The following DSC1 variants were observed in gnomAD, a reference collection of about 807,000 sequenced individuals.
DSC1 encodes desmocollin 1.
Under a neutral mutation model 98.8 loss-of-function variants are expected in DSC1, and 79 were observed. That is an observed-to-expected ratio of 0.80 (90% CI 0.67 to 0.96). The LOEUF (loss-of-function observed/expected upper bound fraction) is 0.96, where lower values mean the gene tolerates loss of function less well. DSC1 is among the 50% of genes least tolerant of loss of function. The pLI is 0.00. For synonymous variants in DSC1, 405 were observed against 372.1 expected, an observed-to-expected ratio of 1.09 and a Z score of -1.02; for missense variants, 1,115 against 1,075.9, an observed-to-expected ratio of 1.04 and a Z score of -0.51.
chr18:31,159,646 A>ATTTGT, intron 1 of DSC1, 117 bp from the exon 2 acceptor site: 1 of 982,054 alleles, frequency 1.0e-6, no homozygotes, highest in Non-Finnish European at 1.5e-6. Context: ...TAATCATTTA[A>ATTTGT]TTCTTTACAT....
At chr18:31,143,079 T>C (rs1988768491) in intron 8 of DSC1, among the ~76,000 whole-genome samples, 2 of 151,804 alleles carry the variant, frequency 1.3e-5, no homozygotes, top group South Asian at 4.1e-4. Flanking sequence ...GAGAACCATT[T>C]CCTGAAACTA....
At chr18:31,148,448 C>T (rs3213883) in intron 6 of DSC1, 50 bp downstream of exon 6, 313,186 of 1,501,494 alleles carry the variant, frequency 0.21, 37,515 homozygotes, top group East Asian at 0.58. Flanking sequence ...ATAATACTTA[C>T]GAAATGTCAA....
rs1989052750 is a variant in DSC1 at position 31,154,281 on chromosome 18, A to AAAG, written c.627+492_627+493insCTT. Reference sequence around the variant, plus strand: ...AATAGTGAGAGAAAGGGATGCAAAAAAAAAAAAGCTATGTAAGGGGCTAAG... The same window carrying AAAG: ...AATAGTGAGAGAAAGGGATGCAAAAAAAGAAAAAAAGCTATGTAAGGGGCTAAG... On this transcript the variant is annotated intron_variant, in intron 5 of 15. Coordinates refer to ENST00000257198, the MANE Select transcript of DSC1 (RefSeq NM_024421.2). Among the ~76,000 whole-genome samples the AAAG allele has an allele frequency of 3.3e-5, 5 of 152,038 alleles. No individual in the cohort carries two copies. The South Asian group carries it at 1.0e-3, about 32-fold the overall frequency.
rs551670498 is a variant in DSC1, at chr18:31,148,523, A to G, written c.747T>C (p.Phe249=). 1.2e-6 allele frequency: 2 copies of G among 1,608,274 alleles called. No homozygotes were observed. Among genetic ancestry groups the G allele is most frequent in the East Asian group, 2.2e-5 (1 of 44,820 alleles). Residue 249 remains phenylalanine, a synonymous_variant, in exon 6 of 16, where the codon TTT becomes TTC. Coordinates refer to ENST00000257198, the MANE Select transcript of DSC1 (RefSeq NM_024421.2). ...APYFEHRVTI[F]TVPENCRSGT... is the part of the protein sequence containing the mutation. Reference sequence around the variant, plus strand: ...CGGATCGGCAATTTTCAGGCACAGTAAAGATAGTCACTCTGTGTTCAAAAT... The same window carrying G: ...CGGATCGGCAATTTTCAGGCACAGTGAAGATAGTCACTCTGTGTTCAAAAT...
chr18:31,151,174 T>C (rs1988994316), intron 5 of DSC1, among the ~76,000 whole-genome samples: 1 of 152,256 alleles, frequency 6.6e-6, no homozygotes, highest in Non-Finnish European at 1.5e-5. Context: ...TTTGAAATAA[T>C]ATTTTTGTTA....
At position 31,139,793 on chromosome 18, in the gene DSC1, C is replaced by A. The variant is rs1988690823; in HGVS notation, c.1618G>T (p.Val540Leu). The A allele has an allele frequency of 1.2e-5, 19 of 1,610,592 alleles. No individual in the cohort carries two copies. Among genetic ancestry groups the A allele is most frequent in the Non-Finnish European group, 1.6e-5 (19 of 1,178,796 alleles). Residue 540 changes from valine to leucine, a missense_variant, in exon 11 of 16, where the codon GTA (valine) becomes TTA (leucine). Transcript: ENST00000257198. ...GAAATATTGTATTGGTTGTTTTTTACAAATTTGGATTCTCTATCTAGTACT... is the reference window on the plus strand; with the variant it reads ...GAAATATTGTATTGGTTGTTTTTTAAAAATTTGGATTCTCTATCTAGTACT... ...LKVLDRESKFVKNNQYNISVV... is the reference protein window; with the variant it reads ...LKVLDRESKFLKNNQYNISVV...
At chr18:31,159,646 A>T (rs1989174826) in intron 1 of DSC1, 117 bp from the exon 2 acceptor site, 1 of 981,934 alleles carries the variant, frequency 1.0e-6, no homozygotes, top group Non-Finnish European at 1.5e-6. Flanking sequence ...TAATCATTTA[A>T]TTCTTTACAT....
At chr18:31,146,149 C>T (rs560176990) in intron 6 of DSC1, among the ~76,000 whole-genome samples, 3 of 152,090 alleles carry the variant, frequency 2.0e-5, no homozygotes, top group South Asian at 2.1e-4. Flanking sequence ...GTATATTGTG[C>T]GATACCGAGG....
rs141277927 is a variant in DSC1 at position 31,133,930 on chromosome 18, C to A, written c.2077G>T (p.Ala693Ser). 1.2e-6 allele frequency: 2 copies of A among 1,612,968 alleles called. No homozygotes were observed. The highest frequency in any genetic ancestry group is 2.7e-5 in the African/African-American group (2 of 74,816). Residue 693 changes from alanine to serine, a missense_variant, in exon 13 of 16, where the codon GCT becomes TCT. Ala to Ser is a moderately conservative substitution (Grantham distance 99, BLOSUM62 1). Coordinates refer to ENST00000257198, the MANE Select transcript of DSC1 (RefSeq NM_024421.2). ...VRPNVILGRW[A>S]ILAMVLGSVL... The stretch of plus-strand genomic sequence containing the variant: ...GAACCCAACACCATAGCAAGAATAG[C>A]CCATCTTCCAAGTATTACATTTGGT...
At chr18:31,161,470 A>G (rs1201280698) in intron 1 of DSC1, among the ~76,000 whole-genome samples, 1 of 152,014 alleles carries the variant, frequency 6.6e-6, no homozygotes, top group Non-Finnish European at 1.5e-5. Flanking sequence ...TTCCATGTTG[A>G]TGGTCCTCCC....
rs1402409793 is a variant in DSC1 at position 31,154,941 on chromosome 18, A to C, written c.472-12T>G. 24 of 1,610,968 alleles carry C rather than the reference A, an allele frequency of 1.5e-5. No homozygotes were observed. The highest frequency in any genetic ancestry group is 2.7e-5 in the African/African-American group (2 of 74,758). On this transcript the variant is annotated splice_polypyrimidine_tract_variant and intron_variant, in intron 4 of 15. Transcript: ENST00000257198. ...GCATCAGATTGGATCTGCAGTAATAATTTAGGAATAGAACAAATACGTCAT... is the reference window on the plus strand; with the variant it reads ...GCATCAGATTGGATCTGCAGTAATACTTTAGGAATAGAACAAATACGTCAT...
chr18:31,143,536 TAAG>T, intron 8 of DSC1, 118 bp downstream of exon 8: 1 of 645,436 alleles, frequency 1.5e-6, no homozygotes, highest in Non-Finnish European at 2.3e-6. Context: ...ATGTTATTTG[TAAG>T]TAGTAGTTAT....
chr18:31,146,614 T>TG (rs1040725713), intron 6 of DSC1, among the ~76,000 whole-genome samples: 6 of 152,286 alleles, frequency 3.9e-5, no homozygotes, highest in African/African-American at 1.2e-4. Flanking sequence ...GTAATGGCAT[T>TG]GCTGGCTCAA....
At chr18:31,131,903 C>A in intron 14 of DSC1, 61 bp from the exon 15 acceptor site, 1 of 1,576,830 alleles carries the variant, frequency 6.3e-7, no homozygotes, top group East Asian at 2.3e-5. Flanking sequence ...AATTCATTTT[C>A]ATTTTTTTTC....
intron 5 of DSC1, among the ~76,000 whole-genome samples, chr18:31,150,004 TACCACC>T (rs1201231611): frequency 1.4e-5 from 2 of 147,686 alleles, no homozygotes; most frequent in African/African-American, 5.0e-5. Context: ...CACTTCACCA[TACCACC>T]ACCACCATCA....
At position 31,145,527 on chromosome 18, in the gene DSC1, C is replaced by A; in HGVS notation, c.939+84G>T. ...AAGCATGCTGAGAAAGGAGGCCAGACTGGCCATATTGCAACTTCTCTCGGG... is the reference window on the plus strand; with the variant it reads ...AAGCATGCTGAGAAAGGAGGCCAGAATGGCCATATTGCAACTTCTCTCGGG... On this transcript the variant is annotated intron_variant, in intron 7 of 15. Coordinates refer to ENST00000257198, the MANE Select transcript of DSC1 (RefSeq NM_024421.2). 2.0e-6 allele frequency: 3 copies of A among 1,482,058 alleles called. No homozygotes were observed. In the East Asian group the frequency reaches 6.8e-5, roughly 34 times the overall value. The allele number at this position is 1,482,058 out of a possible 1,614,324, so 91.8% of individuals were successfully genotyped here. A position where few individuals can be genotyped will look rare whatever the true frequency, so the allele number is the denominator to read the frequency against.
chr18:31,146,816 G>A (rs1988855974), intron 6 of DSC1, among the ~76,000 whole-genome samples: 1 of 152,094 alleles, frequency 6.6e-6, no homozygotes, highest in Non-Finnish European at 1.5e-5. Context: ...ATCTTTTCAT[G>A]TAATAACAAA....
Position 31,148,538 on chromosome 18 carries a change from G to A in DSC1, c.732C>T (p.His244=). The change falls in exon 6 of 16, where the codon CAC becomes CAT. Residue 244 remains histidine, a synonymous_variant. Coordinates refer to ENST00000257198, the MANE Select transcript of DSC1 (RefSeq NM_024421.2). ...CAGGCACAGTAAAGATAGTCACTCT[G>A]TGTTCAAAATATGGGGCGTTATCAT... ...DDNDNAPYFE[H]RVTIFTVPEN... is the part of the protein sequence containing the mutation. The A allele has an allele frequency of 6.2e-7, 1 of 1,611,160 alleles. No individual in the cohort carries two copies. Among genetic ancestry groups the A allele is most frequent in the Non-Finnish European group, 8.5e-7 (1 of 1,177,904 alleles).
intron 11 of DSC1, among the ~76,000 whole-genome samples, chr18:31,135,282 T>C (rs1013336837): frequency 1.3e-5 from 2 of 152,170 alleles, no homozygotes; most frequent in Non-Finnish European, 2.9e-5. Context: ...TCCTCTTCTT[T>C]GCCAGATAGC....
Sources: allele counts gnomAD v4.1 joint callset (sites outside exome capture counted in the v4.1 genomes callset), GRCh38; gene constraint gnomAD v4.1.1; transcripts MANE v1.5; gene names NCBI Gene and HGNC (gene_info 2026-07-23, HGNC 2026-07-21).